BRDT: variants seen among roughly 807,000 people sequenced by gnomAD.
The protein encoded by BRDT is bromodomain testis associated, also known as bromodomain testis-specific protein.
A neutral mutation model predicts 113.9 loss-of-function variants in BRDT; 77 were observed. The observed-to-expected ratio is 0.68, with a 90% CI of 0.56 to 0.82. BRDT has a LOEUF of 0.82. BRDT is among the 40% of genes least tolerant of loss of function. BRDT has a pLI of 0.00. For synonymous variants in BRDT, 358 were observed against 366.5 expected, an observed-to-expected ratio of 0.98 and a Z score of 0.26; for missense variants, 1,027 against 1,105.4, an observed-to-expected ratio of 0.93 and a Z score of 1.01.
chr1:91,953,539 G>A (rs1321530385), intron 1 of BRDT, among the ~76,000 whole-genome samples: 2 of 152,150 alleles, frequency 1.3e-5, no homozygotes, highest in Admixed American at 6.5e-5. Context: ...AATTAGCCAG[G>A]TATGATGGCG....
intron 7 of BRDT, among the ~76,000 whole-genome samples, chr1:91,978,635 C>T (rs1248725593): frequency 6.6e-6 from 1 of 152,086 alleles, no homozygotes. Context: ...GAGCCCATGT[C>T]CCACTGAGGG....
intron 15 of BRDT, among the ~76,000 whole-genome samples, chr1:91,996,177 C>T (rs1686313258): frequency 6.6e-6 from 1 of 152,104 alleles, no homozygotes; most frequent in Non-Finnish European, 1.5e-5. Flanking sequence ...AAATTATATA[C>T]AAATTTGTAT....
At chr1:92,009,238 A>G (rs1451568729) in intron 18 of BRDT, among the ~76,000 whole-genome samples, 1 of 152,078 alleles carries the variant, frequency 6.6e-6, no homozygotes, top group Non-Finnish European at 1.5e-5. Context: ...TGCCTGGCTT[A>G]TTTCACTTAA....
rs1687194334 is a variant in BRDT, at chr1:92,005,208, C to T, written c.2684C>T (p.Ser895Leu). The change falls in exon 18 of 19, where the codon TCA becomes TTA. Residue 895 changes from serine to leucine, a missense_variant. Ser to Leu is a moderately radical substitution (Grantham distance 145). Coordinates refer to ENST00000399546, the MANE Select transcript of BRDT (RefSeq NM_207189.4). ...GAAGAGCAGAAAGAACATCAGCAGT[C>T]ATCAGAAGCTCAAGATAAATCCAAA... ...SGEEQKEHQQ[S>L]SEAQDKSKLW... 6.3e-7 allele frequency: 1 copy of T among 1,590,266 alleles called. No homozygotes were observed. Among genetic ancestry groups the T allele is most frequent in the Admixed American group, 1.8e-5 (1 of 55,630 alleles).
At chr1:91,964,575 A>T in intron 2 of BRDT, 52 bp from the exon 3 acceptor site, 1 of 1,130,714 alleles carries the variant, frequency 8.8e-7, no homozygotes. Flanking sequence ...GTGTATCAAT[A>T]GTTGTAGTGT....
chr1:91,991,301 A>G (rs1016742678), intron 13 of BRDT, 56 bp downstream of exon 13: 22 of 967,644 alleles, frequency 2.3e-5, no homozygotes, highest in African/African-American at 3.3e-5. Context: ...ACTCATGGGT[A>G]TAGTAGTAGC....
At position 91,981,089 on chromosome 1, in the gene BRDT, T is replaced by C. The variant is rs754402709; in HGVS notation, c.1661T>C (p.Ile554Thr). The C allele has an allele frequency of 9.9e-6, 16 of 1,613,950 alleles. 1 individual carries two copies. The highest frequency in any genetic ancestry group is 5.5e-5 in the South Asian group (5 of 91,080). ...AATTCCAATCCTGATGAGATAGAGA[T>C]AGACTTTGAAACACTGAAAGCATCA... ...LSNSNPDEIE[I>T]DFETLKASTL... is the part of the protein sequence containing the mutation. The change falls in exon 10 of 19, where the codon ATA becomes ACA. Residue 554 changes from isoleucine (I) to threonine (T), a missense_variant. Transcript: ENST00000399546.
intron 5 of BRDT, 131 bp downstream of exon 5, chr1:91,976,569 T>C: frequency 1.1e-6 from 1 of 888,464 alleles, no homozygotes. Flanking sequence ...CAATCTGAAA[T>C]AATACTGTTT....
At chr1:91,984,197 G>A (rs1684986146) in intron 12 of BRDT, among the ~76,000 whole-genome samples, 1 of 152,092 alleles carries the variant, frequency 6.6e-6, no homozygotes, top group Non-Finnish European at 1.5e-5. Flanking sequence ...TGAAGTAATT[G>A]GACCTTTTGT....
At position 91,981,172 on chromosome 1, in the gene BRDT, C is replaced by T. The variant is rs1684689276; in HGVS notation, c.1744C>T (p.Pro582Ser). 6.2e-7 allele frequency: 1 copy of T among 1,608,014 alleles called. No individual in the cohort carries two copies. The highest frequency in any genetic ancestry group is 1.7e-5 in the Admixed American group (1 of 58,710). Residue 582 changes from proline (P) to serine (S), a missense_variant, in exon 10 of 19, where the codon CCT becomes TCT. Physicochemically the swap from Pro to Ser is moderately conservative, Grantham distance 74. Coordinates refer to ENST00000399546, the MANE Select transcript of BRDT (RefSeq NM_207189.4). ...ATGTCTAAGAAAGAGACCATTAAAA[C>T]CTCCTGGTATGTATTTCTGCATATT... ...SACLRKRPLK[P>S]PAKKIMMSKE...
At chr1:92,003,873 T>C (rs957994721) in intron 16 of BRDT, among the ~76,000 whole-genome samples, 5 of 152,144 alleles carry the variant, frequency 3.3e-5, no homozygotes, top group African/African-American at 1.2e-4. Context: ...AAATTACATA[T>C]ATTTCTGGTG....
chr1:91,961,924 G>C (rs1682491476), intron 1 of BRDT, among the ~76,000 whole-genome samples: 1 of 151,894 alleles, frequency 6.6e-6, no homozygotes, highest in African/African-American at 2.4e-5. Flanking sequence ...TTGGGAGGCC[G>C]AGGCGGGCGG....
At chr1:92,008,815 C>G (rs1205777036) in intron 18 of BRDT, among the ~76,000 whole-genome samples, 1 of 152,144 alleles carries the variant, frequency 6.6e-6, no homozygotes, top group African/African-American at 2.4e-5. Flanking sequence ...AGGTTCCTCT[C>G]TATCTTTCTA....
At chr1:91,993,461 C>A (rs1182202331) in intron 14 of BRDT, among the ~76,000 whole-genome samples, 1 of 152,112 alleles carries the variant, frequency 6.6e-6, no homozygotes, top group Admixed American at 6.6e-5. Context: ...CCTAACTCAG[C>A]ATTATTGTGA....
intron 3 of BRDT, among the ~76,000 whole-genome samples, chr1:91,966,655 A>C (rs1298919241): frequency 2.0e-5 from 3 of 152,252 alleles, no homozygotes; most frequent in Non-Finnish European, 2.9e-5. Flanking sequence ...TGAGCTACCT[A>C]ACTTAGAAAT....
chr1:92,010,346 A>T (rs2101835555), intron 18 of BRDT, among the ~76,000 whole-genome samples: 1 of 135,102 alleles, frequency 7.4e-6, no homozygotes, highest in East Asian at 2.1e-4. Flanking sequence ...ATCTCGGCTC[A>T]CTGCAACCTC....
intron 1 of BRDT, among the ~76,000 whole-genome samples, chr1:91,954,838 CTG>C (rs1337310961): frequency 6.6e-6 from 1 of 152,082 alleles, no homozygotes; most frequent in African/African-American, 2.4e-5. Flanking sequence ...TGGCATGCAG[CTG>C]TAGTCCCAGC....
intron 1 of BRDT, among the ~76,000 whole-genome samples, chr1:91,961,204 A>G (rs576525150): frequency 1.3e-5 from 2 of 152,280 alleles, no homozygotes; most frequent in South Asian, 4.2e-4. Context: ...CCAGCTACTC[A>G]GGAAGCTGAG....
rs373223587 is a variant in BRDT, at chr1:91,976,251, C to T, written c.446-15C>T. 5.7e-6 allele frequency: 9 copies of T among 1,569,982 alleles called. No individual in the cohort carries two copies. The highest frequency in any genetic ancestry group is 7.7e-6 in the Non-Finnish European group (9 of 1,162,868). On this transcript the variant is annotated splice_polypyrimidine_tract_variant and intron_variant, in intron 4 of 18. Transcript: ENST00000399546. ...TATTCATTCATATATTTGATTCTGG[C>T]TCATACTTTTCCAGGCACTCAACAG...
Sources: allele counts gnomAD v4.1 joint callset (sites outside exome capture counted in the v4.1 genomes callset), GRCh38; gene constraint gnomAD v4.1.1; transcripts MANE v1.5; gene names NCBI Gene and HGNC (gene_info 2026-07-23, HGNC 2026-07-21).